PCDHGA2: variants seen among roughly 807,000 people sequenced by gnomAD.
PCDHGA2 encodes the protein protocadherin gamma-A2.
PCDHGA2 carries 40 observed loss-of-function variants against 59.2 expected under a neutral mutation model. The ratio of observed to expected loss-of-function variants is 0.68; its 90% CI spans 0.52 to 0.88. PCDHGA2 has a LOEUF of 0.88. Among genes scored for constraint, PCDHGA2 ranks in the 40% least tolerant of loss-of-function variants. The pLI is 0.00. For missense variants in PCDHGA2, 1,226 were observed against 1,204.0 expected (o/e 1.02, Z -0.27); for synonymous variants, 560 against 526.0 (o/e 1.06, Z -0.89).
rs1255512461 is a variant in PCDHGA2 at position 141,395,116 on chromosome 5, T to A, written c.2424+53721T>A. 1.2e-6 allele frequency: 2 copies of A among 1,614,098 alleles called. No homozygotes were observed. Among genetic ancestry groups the A allele is most frequent in the African/African-American group, 1.3e-5 (1 of 74,932 alleles). Reference sequence around the variant, plus strand: ...ACCGCCGACTCGCGGAAGAGTCACCTGATCTTTCCCCAGCCCAACTACGCA... The same window carrying A: ...ACCGCCGACTCGCGGAAGAGTCACCAGATCTTTCCCCAGCCCAACTACGCA... On this transcript the variant is annotated intron_variant, in intron 1 of 3. Coordinates refer to ENST00000394576, the MANE Select transcript of PCDHGA2 (RefSeq NM_018915.4).
intron 1 of PCDHGA2, chr5:141,415,228 C>A: frequency 1.2e-6 from 2 of 1,614,168 alleles, no homozygotes; most frequent in South Asian, 2.2e-5. Flanking sequence ...CTTCGAGTCT[C>A]CAGCTAACTC....
rs908472382 is a variant in PCDHGA2 at position 141,340,744 on chromosome 5, G to A, written c.1773G>A (p.Val591=). The A allele has an allele frequency of 3.2e-5, 51 of 1,613,964 alleles. No individual in the cohort carries two copies. Among genetic ancestry groups the A allele is most frequent in the Non-Finnish European group, 4.1e-5 (48 of 1,180,042 alleles). ...AGCCCGGCTACCTGGTGACCAAGGT[G>A]GTGGCGGTGGACAGAGACTCGGGCC... ...SAEPGYLVTK[V]VAVDRDSGQN... The change falls in exon 1 of 4, where the codon GTG becomes GTA. Residue 591 remains valine (V), a synonymous_variant. Coordinates refer to ENST00000394576, the MANE Select transcript of PCDHGA2 (RefSeq NM_018915.4).
At chr5:141,362,345 C>T (rs776739300) in intron 1 of PCDHGA2, 2 of 1,614,068 alleles carry the variant, frequency 1.2e-6, no homozygotes, top group South Asian at 2.2e-5. Flanking sequence ...AAGCCTGGAC[C>T]TGGGGTTCTC....
chr5:141,446,088 T>C (rs2098487177), intron 1 of PCDHGA2, among the ~76,000 whole-genome samples: 1 of 152,100 alleles, frequency 6.6e-6, no homozygotes, highest in African/African-American at 2.4e-5. Flanking sequence ...TAGAAATAAA[T>C]GGATGAATTA....
chr5:141,371,752 A>G, intron 1 of PCDHGA2: 1 of 1,614,006 alleles, frequency 6.2e-7, no homozygotes, highest in Non-Finnish European at 8.5e-7. Flanking sequence ...CCCGTTTTCC[A>G]CCAGGCCTCC....
At chr5:141,428,407 T>C in intron 1 of PCDHGA2, 1 of 470,350 alleles carries the variant, frequency 2.1e-6, no homozygotes, top group South Asian at 2.0e-5. Context: ...CTGGGGTTGC[T>C]TTCACCCTGG....
chr5:141,400,928 G>T (rs1365073405), intron 1 of PCDHGA2, among the ~76,000 whole-genome samples: 1 of 152,154 alleles, frequency 6.6e-6, no homozygotes, highest in African/African-American at 2.4e-5. Flanking sequence ...ACTGCTAGTA[G>T]ATGTCTTTCT....
rs1325289981 is a variant in PCDHGA2, at chr5:141,340,720, G to T, written c.1749G>T (p.Glu583Asp). The T allele has an allele frequency of 1.2e-6, 2 of 1,614,068 alleles. No homozygotes were observed. Among genetic ancestry groups the T allele is most frequent in the Middle Eastern group, 1.7e-4 (1 of 6,028 alleles). The change falls in exon 1 of 4, where the codon GAG becomes GAT. Residue 583 changes from glutamate to aspartate, a missense_variant. Glu to Asp is a conservative substitution (Grantham distance 45). Coordinates refer to ENST00000394576, the MANE Select transcript of PCDHGA2 (RefSeq NM_018915.4). ...TGVELAPRSA[E>D]PGYLVTKVVA... ...TGGAGCTGGCGCCCCGCTCCGCAGA[G>T]CCCGGCTACCTGGTGACCAAGGTGG...
chr5:141,375,128 G>C (rs372521976), intron 1 of PCDHGA2: 1 of 1,613,780 alleles, frequency 6.2e-7, no homozygotes, highest in Non-Finnish European at 8.5e-7. Flanking sequence ...AGAAGTGGTT[G>C]TTACATCTGG....
At chr5:141,369,431 C>T (rs935831476) in intron 1 of PCDHGA2, among the ~76,000 whole-genome samples, 1 of 152,124 alleles carries the variant, frequency 6.6e-6, no homozygotes, top group Non-Finnish European at 1.5e-5. Flanking sequence ...ATTTGGGACG[C>T]TGAGGTGGGA....
At chr5:141,385,719 G>A (rs970031267) in intron 1 of PCDHGA2, 6 of 232,964 alleles carry the variant, frequency 2.6e-5, no homozygotes, top group Non-Finnish European at 3.6e-5. Context: ...ATATGTAAAA[G>A]GTTCTGAAAG....
rs1588634140 is a variant in PCDHGA2 at position 141,366,905 on chromosome 5, C to T, written c.2424+25510C>T. 3 of 1,162,942 alleles carry T rather than the reference C, an allele frequency of 2.6e-6. No individual in the cohort carries two copies. In the East Asian group the frequency reaches 7.6e-5, roughly 29 times the overall value. The allele number at this position is 1,162,942 out of a possible 1,614,324, so 72.0% of individuals were successfully genotyped here. ...TTTTTTTATATAATTCATGCTTTCT[C>T]CATTTGTTTTCAAATTCTGTTTTGG... On this transcript the variant is annotated intron_variant, in intron 1 of 3. Transcript: ENST00000394576.
chr5:141,380,065 A>G (rs569464120), intron 1 of PCDHGA2, among the ~76,000 whole-genome samples: 1 of 151,950 alleles, frequency 6.6e-6, no homozygotes, highest in East Asian at 1.9e-4. Context: ...ATGCCTAGCT[A>G]ATTTTCATAC....
rs201538255 is a variant in PCDHGA2 at position 141,476,796 on chromosome 5, G to A, written c.2425-18011G>A. 10 of 1,613,584 alleles carry A rather than the reference G, an allele frequency of 6.2e-6. No individual in the cohort carries two copies. In the East Asian group the frequency reaches 2.2e-4, roughly 36 times the overall value. On this transcript the variant is annotated intron_variant, in intron 1 of 3. Transcript: ENST00000394576. This position sits in a 1 kb window ranked among gnomAD's most constrained non-coding sequence, Gnocchi z 7.6. Reference sequence around the variant, plus strand: ...GGAGGGACCCCAGCTCTCTCCGCCAGCCTGCCTATTCACATCAAGGTGCTG... The same window carrying A: ...GGAGGGACCCCAGCTCTCTCCGCCAACCTGCCTATTCACATCAAGGTGCTG...
chr5:141,343,261 G>A (rs555556385), intron 1 of PCDHGA2: 10 of 949,920 alleles, frequency 1.1e-5, no homozygotes, highest in Middle Eastern at 5.5e-4. Flanking sequence ...AAGTTATCAG[G>A]TCACCAAGAA....
At chr5:141,495,613 G>A (rs1230710705) in intron 2 of PCDHGA2, among the ~76,000 whole-genome samples, 2 of 152,068 alleles carry the variant, frequency 1.3e-5, no homozygotes, top group Non-Finnish European at 2.9e-5. Flanking sequence ...CTTGATTGCT[G>A]CACCTCAGCC....
At chr5:141,413,075 A>G (rs1013709122) in intron 1 of PCDHGA2, 4 of 1,246,610 alleles carry the variant, frequency 3.2e-6, no homozygotes, top group South Asian at 3.1e-5. Context: ...TAAAGTGCCC[A>G]GGCTACAGAG....
intron 1 of PCDHGA2, chr5:141,352,480 C>G (rs973074211): frequency 6.2e-7 from 1 of 1,614,012 alleles, no homozygotes; most frequent in East Asian, 2.2e-5. Context: ...CCAACCACAG[C>G]GAGGGGACTT....
chr5:141,386,939 A>T (rs2150323633), intron 1 of PCDHGA2, among the ~76,000 whole-genome samples: 1 of 152,358 alleles, frequency 6.6e-6, no homozygotes, highest in South Asian at 2.1e-4. Flanking sequence ...AGAGGTAGGA[A>T]GCAGTGCTTC....
Sources: gnomAD v4.1 joint callset for allele counts (sites outside exome capture counted in the v4.1 genomes callset) on GRCh38, gnomAD v4.1.1 for gene constraint, Gnocchi (gnomAD v3.1) non-coding constraint, MANE v1.5 for transcripts, NCBI Gene and HGNC (gene_info 2026-07-23, HGNC 2026-07-21) for gene names.